KHDRBS2: variants seen among roughly 807,000 people sequenced by gnomAD.
KHDRBS2 encodes KH RNA binding domain containing, signal transduction associated 2.
KHDRBS2 carries 26 observed loss-of-function variants against 44.3 expected under a neutral mutation model. That is an observed-to-expected ratio of 0.59 (90% CI 0.43 to 0.81). KHDRBS2 has a LOEUF of 0.81. Ranked by LOEUF, KHDRBS2 falls within the 40% of genes least tolerant of loss-of-function variation. The pLI, the probability that KHDRBS2 is intolerant of heterozygous loss-of-function variation, is 0.00. For missense variants in KHDRBS2, 476 were observed against 433.1 expected (o/e 1.10, Z -0.88); for synonymous variants, 194 against 151.1 (o/e 1.28, Z -2.08).
chr6:61,598,375 G>A, the KHDRBS2 span, among the ~76,000 whole-genome samples: 24 of 144,928 alleles, frequency 1.7e-4, no homozygotes, highest in East Asian at 5.8e-4. Context: ...GACCATTCCC[G>A]ATGACAGCTC....
At chr6:61,556,326 C>T in the KHDRBS2 span, among the ~76,000 whole-genome samples, 3 of 152,318 alleles carry the variant, frequency 2.0e-5, no homozygotes, top group East Asian at 1.9e-4. Flanking sequence ...TGCCAATGTC[C>T]ATGCTAGAAA....
the KHDRBS2 span, among the ~76,000 whole-genome samples, chr6:61,577,383 G>T: frequency 2.5e-4 from 38 of 152,080 alleles, no homozygotes; most frequent in Non-Finnish European, 4.6e-4. Flanking sequence ...CAGATTCATA[G>T]CAGCAATTTT....
intron 4 of KHDRBS2, among the ~76,000 whole-genome samples, chr6:61,956,201 AC>A (rs1469772406): frequency 3.3e-5 from 5 of 152,022 alleles, no homozygotes; most frequent in Admixed American, 1.3e-4. Flanking sequence ...TCAAAAAAAA[AC>A]AAAAACAAAA....
the KHDRBS2 span, among the ~76,000 whole-genome samples, chr6:61,599,474 A>G: frequency 0.11 from 16,571 of 152,122 alleles, 1,008 homozygotes; most frequent in East Asian, 0.23. Context: ...CCCCCAAAAA[A>G]TTTTCTCAAA....
chr6:62,022,689 CA>C (rs1782566104), intron 3 of KHDRBS2, among the ~76,000 whole-genome samples: 4 of 151,602 alleles, frequency 2.6e-5, no homozygotes, highest in African/African-American at 9.7e-5. Flanking sequence ...TTTTTAGTTT[CA>C]AACTTACCAT....
At chr6:62,034,450 C>T (rs1269275435) in intron 3 of KHDRBS2, among the ~76,000 whole-genome samples, 1 of 151,778 alleles carries the variant, frequency 6.6e-6, no homozygotes, top group Admixed American at 6.6e-5. Context: ...AATTCAACAA[C>T]ACATTAAAAA....
At chr6:62,216,149 A>G (rs1185769723) in intron 1 of KHDRBS2, among the ~76,000 whole-genome samples, 1 of 151,704 alleles carries the variant, frequency 6.6e-6, no homozygotes, top group Non-Finnish European at 1.5e-5. Flanking sequence ...TGATTTGTAA[A>G]AATTTTGATT....
chr6:61,604,722 G>A, the KHDRBS2 span, among the ~76,000 whole-genome samples: 2 of 152,124 alleles, frequency 1.3e-5, no homozygotes, highest in African/African-American at 2.4e-5. Flanking sequence ...CCTGCCCAGG[G>A]CTGGCAAATT....
the KHDRBS2 span, among the ~76,000 whole-genome samples, chr6:61,626,679 C>A: frequency 6.6e-6 from 1 of 152,156 alleles, no homozygotes; most frequent in Admixed American, 6.5e-5. Flanking sequence ...TAGTGTCAGG[C>A]TAAAAGTTGA....
intron 6 of KHDRBS2, among the ~76,000 whole-genome samples, chr6:61,829,623 A>G (rs1041130024): frequency 6.6e-6 from 1 of 152,212 alleles, no homozygotes; most frequent in Non-Finnish European, 1.5e-5. Context: ...TCAATTAAGC[A>G]CTGTGGGAAA....
chr6:62,113,513 T>A (rs1805506338), intron 2 of KHDRBS2, among the ~76,000 whole-genome samples: 1 of 152,120 alleles, frequency 6.6e-6, no homozygotes, highest in Non-Finnish European at 1.5e-5. Flanking sequence ...CTAAACTCCC[T>A]GAGAGAAACA....
At chr6:62,247,436 T>G (rs1394346873) in intron 1 of KHDRBS2, among the ~76,000 whole-genome samples, 1 of 151,934 alleles carries the variant, frequency 6.6e-6, no homozygotes, top group Non-Finnish European at 1.5e-5. Context: ...AACAAGAAAT[T>G]TCTAGCTTTT....
At chr6:62,086,026 G>T (rs1798311654) in intron 2 of KHDRBS2, among the ~76,000 whole-genome samples, 2 of 152,196 alleles carry the variant, frequency 1.3e-5, no homozygotes, top group Admixed American at 1.3e-4. Flanking sequence ...ATCTGAAAGG[G>T]TGCTAAGTGG....
At chr6:62,132,152 C>G (rs1224183507) in intron 2 of KHDRBS2, among the ~76,000 whole-genome samples, 1 of 152,106 alleles carries the variant, frequency 6.6e-6, no homozygotes. Flanking sequence ...CATCTCCATC[C>G]TCTATTTAAT....
At chr6:61,612,348 T>A in the KHDRBS2 span, among the ~76,000 whole-genome samples, 1 of 152,200 alleles carries the variant, frequency 6.6e-6, no homozygotes, top group Admixed American at 6.5e-5. Context: ...TCATAAAGTC[T>A]AAGATTTATG....
At chr6:61,851,545 C>T (rs372483115) in intron 6 of KHDRBS2, among the ~76,000 whole-genome samples, 10 of 151,962 alleles carry the variant, frequency 6.6e-5, no homozygotes, top group South Asian at 2.1e-4. Context: ...AAAAGGAAAT[C>T]GGGACACAGA....
At chr6:61,557,336 CA>C in the KHDRBS2 span, among the ~76,000 whole-genome samples, 1 of 151,848 alleles carries the variant, frequency 6.6e-6, no homozygotes, top group African/African-American at 2.4e-5. Flanking sequence ...TAAATAAAAA[CA>C]ATAATGAAGA....
chr6:61,715,952 G>A (rs932736722), intron 7 of KHDRBS2, among the ~76,000 whole-genome samples: 7 of 144,474 alleles, frequency 4.8e-5, no homozygotes, highest in Admixed American at 7.2e-5. Flanking sequence ...AAAAACTGAC[G>A]TAGCAGGTTA....
intron 5 of KHDRBS2, 125 bp from the exon 6 acceptor site, chr6:61,894,958 T>C (rs910597587): frequency 9.4e-6 from 5 of 532,774 alleles, no homozygotes; most frequent in Admixed American, 6.8e-5. Context: ...TCTCTCTCTC[T>C]GTGTGTGTGT....
Sources: gnomAD v4.1 joint callset for allele counts (sites outside exome capture counted in the v4.1 genomes callset) on GRCh38, gnomAD v4.1.1 for gene constraint, MANE v1.5 for transcripts, NCBI Gene and HGNC (gene_info 2026-07-23, HGNC 2026-07-21) for gene names.